The following GPC6 variants were observed in gnomAD, a reference collection of about 807,000 sequenced individuals.
GPC6 encodes glypican 6.
In GPC6, 14 loss-of-function variants were observed where a neutral mutation model predicts 55.2. That is an observed-to-expected ratio of 0.25 (90% confidence interval 0.17 to 0.40). The LOEUF (loss-of-function observed/expected upper bound fraction) is 0.40, where lower values mean the gene tolerates loss of function less well. GPC6 is among the 10% of genes least tolerant of loss of function. The pLI, the probability that GPC6 is intolerant of heterozygous loss-of-function variation, is 1.00. For missense variants in GPC6, 641 were observed against 708.5 expected, an observed-to-expected ratio of 0.90 and a Z score of 1.08; for synonymous variants, 278 against 259.6, an observed-to-expected ratio of 1.07 and a Z score of -0.68.
intron 4 of GPC6, among the ~76,000 whole-genome samples, chr13:94,174,146 G>A (rs1888666932): frequency 1.3e-5 from 2 of 152,088 alleles, no homozygotes; most frequent in Admixed American, 1.3e-4. Flanking sequence ...ACTAAATTTT[G>A]CACCATGAAA....
chr13:93,312,848 T>C (rs2139110911), intron 1 of GPC6, among the ~76,000 whole-genome samples: 1 of 152,290 alleles, frequency 6.6e-6, no homozygotes, highest in Non-Finnish European at 1.5e-5. Context: ...ACCTTACCAG[T>C]AGATGGTTTA....
chr13:94,086,571 G>T (rs1436752494), intron 4 of GPC6, among the ~76,000 whole-genome samples: 2 of 152,092 alleles, frequency 1.3e-5, no homozygotes, highest in African/African-American at 4.8e-5. Context: ...AGTGAATAGA[G>T]TTCTAGAAAC....
intron 6 of GPC6, among the ~76,000 whole-genome samples, chr13:94,314,431 G>T (rs925729496): frequency 2.0e-5 from 3 of 152,172 alleles, no homozygotes; most frequent in Non-Finnish European, 4.4e-5. Flanking sequence ...CAGAAGCTTT[G>T]TTGTCAGTTA....
intron 2 of GPC6, among the ~76,000 whole-genome samples, chr13:93,704,449 T>C (rs1882777274): frequency 6.6e-6 from 1 of 151,960 alleles, no homozygotes; most frequent in South Asian, 2.1e-4. Flanking sequence ...TCTTTAATTT[T>C]CTCTCAATAA....
chr13:93,962,466 T>A (rs1326112866), intron 3 of GPC6, among the ~76,000 whole-genome samples: 1 of 152,132 alleles, frequency 6.6e-6, no homozygotes. Context: ...CTCTTGTTCA[T>A]ACTACTCCCA....
At chr13:93,935,637 C>T (rs1395635860) in intron 3 of GPC6, among the ~76,000 whole-genome samples, 1 of 152,146 alleles carries the variant, frequency 6.6e-6, no homozygotes, top group African/African-American at 2.4e-5. Context: ...ATTACATACG[C>T]AATTCACATT....
chr13:93,246,093 A>T (rs1566539369), intron 1 of GPC6, among the ~76,000 whole-genome samples: 1 of 151,896 alleles, frequency 6.6e-6, no homozygotes, highest in African/African-American at 2.4e-5. Context: ...CATCCCCCCA[A>T]CCTCCTCCTT....
chr13:94,036,874 G>A (rs1280763814), intron 4 of GPC6, among the ~76,000 whole-genome samples: 1 of 151,902 alleles, frequency 6.6e-6, no homozygotes, highest in Non-Finnish European at 1.5e-5. Flanking sequence ...CACCACAATC[G>A]TTCAACTAAA....
intron 1 of GPC6, among the ~76,000 whole-genome samples, chr13:93,469,286 T>C (rs1028230311): frequency 5.3e-5 from 8 of 152,128 alleles, no homozygotes; most frequent in Admixed American, 5.2e-4. Context: ...CTTCAAGTGG[T>C]TTTTGTCATT....
chr13:93,437,221 A>T (rs993695722), intron 1 of GPC6, among the ~76,000 whole-genome samples: 12 of 152,270 alleles, frequency 7.9e-5, no homozygotes, highest in African/African-American at 2.9e-4. Flanking sequence ...TACCTGAGAC[A>T]CAGCAATGTT....
At chr13:93,867,090 T>C (rs9516304) in intron 3 of GPC6, among the ~76,000 whole-genome samples, 35,646 of 149,608 alleles carry the variant, frequency 0.24, 4,727 homozygotes, top group East Asian at 0.34. Flanking sequence ...TCTCAGTATG[T>C]TGATTTTTTT....
chr13:93,546,968 CA>C (rs200313448), intron 2 of GPC6, among the ~76,000 whole-genome samples: 2 of 123,804 alleles, frequency 1.6e-5, no homozygotes, highest in African/African-American at 5.1e-5. Flanking sequence ...TATTCTTTAA[CA>C]AAAAAATATT....
At chr13:93,912,566 A>T (rs183553958) in intron 3 of GPC6, among the ~76,000 whole-genome samples, 41 of 152,066 alleles carry the variant, frequency 2.7e-4, no homozygotes, top group African/African-American at 2.4e-4. Context: ...ACACGGTGAA[A>T]CCCCATCTCT....
At chr13:93,966,146 T>C (rs1042864026) in intron 3 of GPC6, among the ~76,000 whole-genome samples, 6 of 152,208 alleles carry the variant, frequency 3.9e-5, no homozygotes, top group African/African-American at 1.2e-4. Flanking sequence ...GCACCTTTGC[T>C]TGTATGATCC....
intron 1 of GPC6, among the ~76,000 whole-genome samples, chr13:93,423,015 T>G (rs776567587): frequency 6.6e-6 from 1 of 151,922 alleles, no homozygotes; most frequent in Admixed American, 6.6e-5. Flanking sequence ...GGAGTCAGCA[T>G]TGGGTAGTGG....
At chr13:93,244,060 C>A (rs1349095168) in intron 1 of GPC6, among the ~76,000 whole-genome samples, 1 of 151,994 alleles carries the variant, frequency 6.6e-6, no homozygotes. Flanking sequence ...GCTTTGGCTC[C>A]CTAGGTGTGA....
chr13:93,979,935 C>T (rs1880716244), intron 3 of GPC6, among the ~76,000 whole-genome samples: 1 of 152,064 alleles, frequency 6.6e-6, no homozygotes, highest in South Asian at 2.1e-4. Flanking sequence ...CCAGCCTTCT[C>T]AATTTGCAAA....
At chr13:93,558,898 T>A (rs1875615194) in intron 2 of GPC6, among the ~76,000 whole-genome samples, 1 of 152,172 alleles carries the variant, frequency 6.6e-6, no homozygotes. Context: ...ACACTATTTT[T>A]AAATAAACAG....
intron 4 of GPC6, among the ~76,000 whole-genome samples, chr13:94,117,565 CATCCTGTTT>C (rs1206257527): frequency 2.0e-5 from 3 of 152,064 alleles, no homozygotes; most frequent in Non-Finnish European, 4.4e-5. Context: ...CAAATCAAGT[CATCCTGTTT>C]ATTGGACTCC....
Sources: gnomAD v4.1 joint callset for allele counts (sites outside exome capture counted in the v4.1 genomes callset) on GRCh38, gnomAD v4.1.1 for gene constraint, MANE v1.5 for transcripts, NCBI Gene and HGNC (gene_info 2026-07-23, HGNC 2026-07-21) for gene names.